The following KIF6 variants were observed in gnomAD, a reference collection of about 807,000 sequenced individuals.
KIF6 encodes the protein kinesin family member 6.
A neutral mutation model predicts 112.7 loss-of-function variants in KIF6; 106 were observed. The ratio of observed to expected loss-of-function variants is 0.94; its 90% CI spans 0.80 to 1.11. KIF6 has a LOEUF of 1.11. KIF6 is among the 50% of genes least tolerant of loss of function. The probability of loss-of-function intolerance (pLI) is 0.00; values close to 1 mark genes in which losing one functional copy is unlikely to be tolerated. For missense variants in KIF6, 929 were observed against 964.0 expected (o/e 0.96, Z 0.48); for synonymous variants, 339 against 339.9 (o/e 1.00, Z 0.03).
At chr6:39,466,254 T>G (rs564641744) in intron 13 of KIF6, among the ~76,000 whole-genome samples, 1 of 152,300 alleles carries the variant, frequency 6.6e-6, no homozygotes, top group South Asian at 2.1e-4. Flanking sequence ...CCTTCTCTCC[T>G]TCTTCCTTCC....
chr6:39,642,621 A>G (rs1784968100), intron 3 of KIF6, among the ~76,000 whole-genome samples: 1 of 152,054 alleles, frequency 6.6e-6, no homozygotes, highest in Non-Finnish European at 1.5e-5. Flanking sequence ...GTGTTTGTTG[A>G]AAAAAAATCA....
At chr6:39,717,715 C>T (rs1789944994) in intron 2 of KIF6, among the ~76,000 whole-genome samples, 1 of 152,086 alleles carries the variant, frequency 6.6e-6, no homozygotes, top group South Asian at 2.1e-4. Flanking sequence ...TAAAACAGCT[C>T]ACAGTGGGTA....
intron 5 of KIF6, among the ~76,000 whole-genome samples, chr6:39,615,680 A>G (rs1783481723): frequency 2.6e-5 from 4 of 152,128 alleles, no homozygotes; most frequent in Admixed American, 2.0e-4. Context: ...AGACACATGG[A>G]GAGGAGGTTT....
intron 6 of KIF6, among the ~76,000 whole-genome samples, chr6:39,611,251 T>A (rs901750504): frequency 6.6e-6 from 1 of 152,110 alleles, no homozygotes; most frequent in African/African-American, 2.4e-5. Flanking sequence ...GAGGTTTCAG[T>A]GAGCCATCAC....
intron 15 of KIF6, among the ~76,000 whole-genome samples, chr6:39,391,475 A>G (rs1313889493): frequency 1.3e-5 from 2 of 152,174 alleles, no homozygotes; most frequent in African/African-American, 4.8e-5. Flanking sequence ...TCCAGCTGCT[A>G]AGCCCAGCTG....
At position 39,335,132 on chromosome 6, in the gene KIF6, G is replaced by T. The variant is rs1762868590; in HGVS notation, c.*1400C>A. 1 of 152,160 alleles carries T rather than the reference G, an allele frequency of 6.6e-6. No homozygotes were observed. Among genetic ancestry groups the T allele is most frequent in the African/African-American group, 2.4e-5 (1 of 41,430 alleles). 9.4% of individuals were successfully genotyped at this position (152,160 alleles called of 1,614,324 possible). On this transcript the variant is annotated 3_prime_UTR_variant, in exon 23 of 23. Transcript: ENST00000287152. Reference sequence around the variant, plus strand: ...CATTGGAGCTCTTAGTATTATGGGGGGTTGCAGGTATTTCAAAAATAGGCA... The same window carrying T: ...CATTGGAGCTCTTAGTATTATGGGGTGTTGCAGGTATTTCAAAAATAGGCA...
At chr6:39,409,323 T>C (rs562709179) in intron 15 of KIF6, among the ~76,000 whole-genome samples, 2 of 152,318 alleles carry the variant, frequency 1.3e-5, no homozygotes, top group South Asian at 4.1e-4. Flanking sequence ...GCCACCCTTT[T>C]GGCCTTGTTC....
chr6:39,563,559 T>C (rs1780124620), intron 10 of KIF6, among the ~76,000 whole-genome samples: 1 of 152,234 alleles, frequency 6.6e-6, no homozygotes, highest in Non-Finnish European at 1.5e-5. Context: ...TGTTGCGTTA[T>C]GTTCCATAAA....
chr6:39,611,630 C>T (rs184003721), intron 6 of KIF6, among the ~76,000 whole-genome samples: 4 of 152,300 alleles, frequency 2.6e-5, no homozygotes, highest in East Asian at 1.9e-4. Flanking sequence ...GCAACAGGCT[C>T]CTCTACTTGT....
chr6:39,501,305 C>A (rs773259048), intron 13 of KIF6, among the ~76,000 whole-genome samples: 3 of 152,072 alleles, frequency 2.0e-5, no homozygotes, highest in Non-Finnish European at 2.9e-5. Flanking sequence ...AACAACAAAT[C>A]ACAAAAACCC....
chr6:39,633,928 C>T (rs1441164602), intron 5 of KIF6, among the ~76,000 whole-genome samples: 2 of 152,116 alleles, frequency 1.3e-5, no homozygotes, highest in Non-Finnish European at 2.9e-5. Context: ...GACAACAGAT[C>T]CCATTAAAAT....
chr6:39,676,369 C>T (rs1230031533), intron 3 of KIF6, among the ~76,000 whole-genome samples: 1 of 152,018 alleles, frequency 6.6e-6, no homozygotes, highest in African/African-American at 2.4e-5. Flanking sequence ...AATTCCACAC[C>T]CAGCTAATAT....
intron 3 of KIF6, among the ~76,000 whole-genome samples, chr6:39,653,914 T>C (rs1341633934): frequency 1.3e-5 from 2 of 152,192 alleles, no homozygotes; most frequent in Non-Finnish European, 2.9e-5. Flanking sequence ...TAGAGCAGAA[T>C]ATACCAGAAC....
At chr6:39,538,574 C>T (rs1778588462) in intron 13 of KIF6, among the ~76,000 whole-genome samples, 1 of 151,612 alleles carries the variant, frequency 6.6e-6, no homozygotes, top group African/African-American at 2.4e-5. Context: ...ACAACAGGTG[C>T]TGGAGAGGAT....
intron 3 of KIF6, among the ~76,000 whole-genome samples, chr6:39,677,416 AC>A (rs1787212511): frequency 6.6e-6 from 1 of 152,138 alleles, no homozygotes; most frequent in Admixed American, 6.5e-5. Flanking sequence ...GATATAGCAA[AC>A]CTGGACCACA....
At chr6:39,503,501 A>T (rs889473836) in intron 13 of KIF6, among the ~76,000 whole-genome samples, 1 of 151,022 alleles carries the variant, frequency 6.6e-6, no homozygotes, top group Non-Finnish European at 1.5e-5. Context: ...AGACAGAAAC[A>T]CGAAAACCCC....
intron 3 of KIF6, among the ~76,000 whole-genome samples, chr6:39,646,978 T>C (rs969168182): frequency 1.3e-5 from 2 of 152,224 alleles, no homozygotes; most frequent in African/African-American, 4.8e-5. Flanking sequence ...AAGGGGCAAC[T>C]GGATCTTTTA....
chr6:39,413,471 G>A (rs1303207653), intron 15 of KIF6, among the ~76,000 whole-genome samples: 1 of 152,150 alleles, frequency 6.6e-6, no homozygotes, highest in African/African-American at 2.4e-5. Context: ...ACATGATCTA[G>A]GCCTAGTCAG....
At chr6:39,597,931 T>C (rs9367020) in intron 6 of KIF6, among the ~76,000 whole-genome samples, 81,323 of 151,984 alleles carry the variant, frequency 0.54, 23,981 homozygotes, top group African/African-American at 0.79. Flanking sequence ...TTTGGGAGGC[T>C]GAGGTAGATA....
Sources: gnomAD v4.1 joint callset for allele counts (sites outside exome capture counted in the v4.1 genomes callset) on GRCh38, gnomAD v4.1.1 for gene constraint, MANE v1.5 for transcripts, NCBI Gene and HGNC (gene_info 2026-07-23, HGNC 2026-07-21) for gene names.